GLYATL1: variants seen among roughly 807,000 people sequenced by gnomAD.
GLYATL1 encodes the protein glycine-N-acyltransferase like 1.
A neutral mutation model predicts 20.0 loss-of-function variants in GLYATL1; 15 were observed. The observed-to-expected ratio is 0.75, with a 90% CI of 0.50 to 1.15. The LOEUF (loss-of-function observed/expected upper bound fraction) is 1.15. Ranked by LOEUF, GLYATL1 falls within the 50% of genes most tolerant of loss-of-function variation. The pLI is 0.00. For missense variants in GLYATL1, 380 were observed against 368.5 expected, an observed-to-expected ratio of 1.03 and a Z score of -0.26; for synonymous variants, 151 against 131.5, an observed-to-expected ratio of 1.15 and a Z score of -1.01.
intron 4 of GLYATL1, among the ~76,000 whole-genome samples, chr11:58,950,833 T>C (rs1013564218): frequency 2.6e-5 from 4 of 152,166 alleles, no homozygotes; most frequent in Non-Finnish European, 4.4e-5. Context: ...ATATTATATT[T>C]TCATGTTTCT....
chr11:58,926,152 A>G (rs1324945759), upstream of GLYATL1, among the ~76,000 whole-genome samples: 1 of 152,214 alleles, frequency 6.6e-6, no homozygotes, highest in African/African-American at 2.4e-5. Flanking sequence ...TAGGGTTAAC[A>G]CTTGTTGAAG....
chr11:58,953,791 A>G (rs572600735), intron 4 of GLYATL1, among the ~76,000 whole-genome samples: 2 of 152,332 alleles, frequency 1.3e-5, no homozygotes, highest in African/African-American at 4.8e-5. Context: ...TAAATTAATT[A>G]CACTATTTTC....
At chr11:58,925,798 G>A (rs1233364210), upstream of GLYATL1, among the ~76,000 whole-genome samples, 2 of 152,146 alleles carry the variant, frequency 1.3e-5, no homozygotes, top group African/African-American at 2.4e-5. Flanking sequence ...CAGTAGTGTT[G>A]CAGGGTCTTT....
At chr11:58,911,158 T>C (rs1855030581), downstream of GLYATL1, among the ~76,000 whole-genome samples, 2 of 152,198 alleles carry the variant, frequency 1.3e-5, no homozygotes, top group South Asian at 4.1e-4. Flanking sequence ...ATTGATAGGT[T>C]TTTCTTTTCT....
upstream of GLYATL1, among the ~76,000 whole-genome samples, chr11:58,924,578 GT>G (rs1433901106): frequency 6.6e-6 from 1 of 152,126 alleles, no homozygotes; most frequent in African/African-American, 2.4e-5. Context: ...CCCCGTTTTT[GT>G]TTTCGGTATC....
At chr11:58,938,630 G>C (rs565458597), upstream of GLYATL1, among the ~76,000 whole-genome samples, 8 of 152,296 alleles carry the variant, frequency 5.3e-5, no homozygotes, top group South Asian at 1.7e-3. Flanking sequence ...CTAAACCTTT[G>C]AGTTTTGATC....
In GLYATL1 at chr11:58,947,183, G is replaced by A. The variant is rs1428660753; in HGVS notation, c.78+18G>A. 1 of 1,612,780 alleles carries A rather than the reference G, an allele frequency of 6.2e-7. No individual in the cohort carries two copies. The highest frequency in any genetic ancestry group is 1.1e-5 in the South Asian group (1 of 90,942). On this transcript the variant is annotated intron_variant, in intron 3 of 6. Transcript: ENST00000532726. ...CCCTGAAGGTCAGGGAACAGTGGGA[G>A]GTCAGGGTATGGGAGTAGGGGTGTT...
chr11:58,953,405 T>A (rs892364227), intron 4 of GLYATL1, among the ~76,000 whole-genome samples: 1 of 151,338 alleles, frequency 6.6e-6, no homozygotes. Context: ...TTTTTTTTTT[T>A]TGCTTTTTTC....
intron 2 of GLYATL1, among the ~76,000 whole-genome samples, chr11:58,945,355 G>A (rs1856492153): frequency 6.6e-6 from 1 of 152,102 alleles, no homozygotes; most frequent in South Asian, 2.1e-4. Context: ...TATTTGGGTA[G>A]ATGTTAGAAG....
chr11:58,908,133 A>G (rs1250265091), exon 2 of GLYATL1: 1 of 152,250 alleles, frequency 6.6e-6, no homozygotes. Context: ...GTACTCTGCC[A>G]TACAGGCTCC....
Position 58,947,100 on chromosome 11 carries a change from A to T in GLYATL1, c.13A>T (p.Asn5Tyr). Reference protein sequence around the residue: MILLNNSHKLLALYK... With the variant: MILLYNSHKLLALYK... Reference sequence around the variant, plus strand: ...AGCATCCCACAGAATGATCCTACTGAATAACTCCCATAAGCTGCTGGCCCT... The same window carrying T: ...AGCATCCCACAGAATGATCCTACTGTATAACTCCCATAAGCTGCTGGCCCT... The change falls in exon 3 of 7, where the codon AAT becomes TAT. Residue 5 changes from asparagine to tyrosine, a missense_variant. By Grantham distance (143) the Asn-to-Tyr change is moderately radical (BLOSUM62 -2). Coordinates refer to ENST00000532726, the MANE Select transcript of GLYATL1 (RefSeq NM_001389712.2). The T allele has an allele frequency of 6.2e-7, 1 of 1,614,096 alleles. No individual in the cohort carries two copies. The highest frequency in any genetic ancestry group is 2.2e-5 in the East Asian group (1 of 44,884).
At chr11:58,916,043 G>T (rs940014710) in intron 1 of GLYATL1, among the ~76,000 whole-genome samples, 11 of 152,172 alleles carry the variant, frequency 7.2e-5, no homozygotes, top group Non-Finnish European at 1.5e-4. Flanking sequence ...ACCTTTAGCA[G>T]AAAACCCACC....
At chr11:58,952,718 C>T (rs992250376) in intron 4 of GLYATL1, among the ~76,000 whole-genome samples, 4 of 152,126 alleles carry the variant, frequency 2.6e-5, no homozygotes, top group African/African-American at 9.7e-5. Flanking sequence ...TTTACTCCAC[C>T]CTCTGGTAGT....
chr11:58,910,872 C>T (rs560752093), downstream of GLYATL1, among the ~76,000 whole-genome samples: 385 of 152,228 alleles, frequency 2.5e-3, 2 homozygotes, highest in Non-Finnish European at 4.0e-3. Context: ...ATGACAAACA[C>T]CTACAGTCAT....
At chr11:58,946,842 A>G in intron 2 of GLYATL1, 1 of 613,970 alleles carries the variant, frequency 1.6e-6, no homozygotes, top group Non-Finnish European at 2.9e-6. Flanking sequence ...GGAGACAGTC[A>G]TATATGGTTT....
intron 4 of GLYATL1, among the ~76,000 whole-genome samples, chr11:58,953,626 T>G (rs970181656): frequency 1.3e-5 from 2 of 152,162 alleles, no homozygotes; most frequent in African/African-American, 4.8e-5. Context: ...TTCTTTTATA[T>G]ATTTCCTTGA....
chr11:58,939,121 C>T (rs1855970309), upstream of GLYATL1, among the ~76,000 whole-genome samples: 1 of 152,080 alleles, frequency 6.6e-6, no homozygotes, highest in Admixed American at 6.6e-5. Flanking sequence ...GAATTTCATC[C>T]TTAGTAAAGG....
upstream of GLYATL1, among the ~76,000 whole-genome samples, chr11:58,937,415 C>T (rs1448230705): frequency 6.6e-6 from 1 of 152,148 alleles, no homozygotes; most frequent in African/African-American, 2.4e-5. Context: ...AAACCTTCTT[C>T]CCTAGAAAGA....
rs1171896073 is a variant in GLYATL1, at chr11:58,954,896, G to T, written c.313G>T (p.Gly105Cys). ...VNWKQRLQIQ[G>C]LQESLGEGIR... ...CTGGAAACAGAGACTCCAAATCCAA[G>T]GTAACGAGTCTGAAGAAATGGGCAA... The change falls in exon 5 of 7, where the codon GGT becomes TGT. Residue 105 changes from glycine to cysteine, a missense_variant and splice_region_variant. Coordinates refer to ENST00000532726, the MANE Select transcript of GLYATL1 (RefSeq NM_001389712.2). 1 of 1,605,202 alleles carries T rather than the reference G, an allele frequency of 6.2e-7. No individual in the cohort carries two copies. Among genetic ancestry groups the T allele is most frequent in the East Asian group, 2.2e-5 (1 of 44,850 alleles).
Sources: gnomAD v4.1 joint callset for allele counts (sites outside exome capture counted in the v4.1 genomes callset) on GRCh38, gnomAD v4.1.1 for gene constraint, MANE v1.5 for transcripts, NCBI Gene and HGNC (gene_info 2026-07-23, HGNC 2026-07-21) for gene names.